ADK: variants seen among roughly 807,000 people sequenced by gnomAD.
ADK encodes adenosine kinase, also known as N6,N6-dimethyladenosine kinase.
ADK carries 24 observed loss-of-function variants against 44.7 expected under a neutral mutation model. That is an observed-to-expected ratio of 0.54 (90% CI 0.39 to 0.76). ADK has a LOEUF of 0.76. ADK is among the 30% of genes least tolerant of loss of function. The pLI is 0.00. For missense variants in ADK, 321 were observed against 425.1 expected (o/e 0.76, Z 2.15); for synonymous variants, 128 against 142.6 (o/e 0.90, Z 0.73).
intron 7 of ADK, among the ~76,000 whole-genome samples, chr10:74,544,655 T>A (rs1849761872): frequency 6.6e-6 from 1 of 152,042 alleles, no homozygotes; most frequent in South Asian, 2.1e-4. Context: ...GGCGGGCAGA[T>A]CACGAGGTCA....
At chr10:74,161,409 CTG>C (rs1333268548) in intron 1 of ADK, among the ~76,000 whole-genome samples, 4 of 152,192 alleles carry the variant, frequency 2.6e-5, no homozygotes, top group Non-Finnish European at 5.9e-5. Context: ...CGGGGTTTCA[CTG>C]TGTTAGCCAG....
chr10:74,306,756 C>G (rs1475561816), intron 3 of ADK, among the ~76,000 whole-genome samples: 3 of 152,098 alleles, frequency 2.0e-5, no homozygotes, highest in Non-Finnish European at 2.9e-5. Flanking sequence ...TGCTTCTGTT[C>G]CTAGAGCCTG....
chr10:74,225,090 T>C (rs1844481992), intron 3 of ADK, among the ~76,000 whole-genome samples: 1 of 152,198 alleles, frequency 6.6e-6, no homozygotes, highest in Non-Finnish European at 1.5e-5. Flanking sequence ...CTTTATTTTA[T>C]TTTTATTTTT....
intron 6 of ADK, among the ~76,000 whole-genome samples, chr10:74,419,685 T>G (rs1251467166): frequency 6.6e-6 from 1 of 152,202 alleles, no homozygotes; most frequent in Non-Finnish European, 1.5e-5. Flanking sequence ...CAAGATACTG[T>G]TAATTTAGAC....
At chr10:74,615,302 A>T (rs961265522) in intron 9 of ADK, among the ~76,000 whole-genome samples, 2 of 152,174 alleles carry the variant, frequency 1.3e-5, no homozygotes, top group African/African-American at 4.8e-5. Context: ...TTTGTAATAC[A>T]GGTAGGGTCA....
intron 4 of ADK, among the ~76,000 whole-genome samples, chr10:74,334,168 C>T (rs1051780915): frequency 6.6e-6 from 1 of 152,118 alleles, no homozygotes; most frequent in African/African-American, 2.4e-5. Flanking sequence ...CTTCCTTTCC[C>T]CTACTTCAGC....
intron 9 of ADK, among the ~76,000 whole-genome samples, chr10:74,620,487 A>G (rs1476357342): frequency 1.3e-5 from 2 of 152,232 alleles, no homozygotes; most frequent in Admixed American, 6.5e-5. Context: ...GATCATGTAT[A>G]TATACCACAC....
intron 3 of ADK, among the ~76,000 whole-genome samples, chr10:74,267,754 TTGTGTGTGTGTGTGTGTGTGTGTG>T (rs372502769): frequency 7.5e-6 from 1 of 132,734 alleles, no homozygotes; most frequent in Non-Finnish European, 1.6e-5. Flanking sequence ...ATATCCTTAT[TTGTGTGTGTGTGTGTGTGTGTGTG>T]TGTGTGTGTG....
chr10:74,458,535 C>T (rs980483703), intron 6 of ADK, among the ~76,000 whole-genome samples: 4 of 151,932 alleles, frequency 2.6e-5, no homozygotes, highest in Non-Finnish European at 4.4e-5. Flanking sequence ...GTTATCTCTC[C>T]GTTTTGTCAT....
intron 10 of ADK, among the ~76,000 whole-genome samples, chr10:74,693,598 G>GTA (rs34396421): frequency 0.68 from 103,042 of 151,806 alleles, 35,300 homozygotes; most frequent in Middle Eastern, 0.79. Context: ...TGTGAGGGAA[G>GTA]TATTAGTCCT....
intron 3 of ADK, among the ~76,000 whole-genome samples, chr10:74,272,456 G>A (rs1477492534): frequency 6.6e-6 from 1 of 151,958 alleles, no homozygotes; most frequent in Non-Finnish European, 1.5e-5. Flanking sequence ...TTGACTTTTT[G>A]TAGAGATGGG....
chr10:74,674,886 A>AAAAT (rs1554896330), intron 10 of ADK, among the ~76,000 whole-genome samples: 5 of 150,520 alleles, frequency 3.3e-5, no homozygotes, highest in Admixed American at 6.6e-5. Flanking sequence ...TGTCTCAAAA[A>AAAAT]AATTAATTAA....
At chr10:74,437,604 A>G (rs1254118306) in intron 6 of ADK, among the ~76,000 whole-genome samples, 2 of 152,180 alleles carry the variant, frequency 1.3e-5, no homozygotes, top group East Asian at 3.8e-4. Context: ...CCATTCTATT[A>G]CAGACCATTA....
intron 2 of ADK, among the ~76,000 whole-genome samples, chr10:74,219,116 G>A (rs570654504): frequency 2.2e-4 from 34 of 152,246 alleles, no homozygotes; most frequent in African/African-American, 7.5e-4. Flanking sequence ...GTTGTATTCA[G>A]GAAACTCATC....
intron 3 of ADK, among the ~76,000 whole-genome samples, chr10:74,298,195 A>C (rs770574054): frequency 6.6e-5 from 10 of 152,188 alleles, no homozygotes; most frequent in Non-Finnish European, 1.2e-4. Context: ...AATTCTCATA[A>C]AAATTCAAAA....
intron 1 of ADK, among the ~76,000 whole-genome samples, chr10:74,172,697 A>C (rs1268776315): frequency 6.6e-6 from 1 of 151,010 alleles, no homozygotes; most frequent in Non-Finnish European, 1.5e-5. Flanking sequence ...CTCAAAAAAA[A>C]AAAAAAAAAA....
chr10:74,183,934 C>T (rs888273897), intron 1 of ADK, among the ~76,000 whole-genome samples: 10 of 151,262 alleles, frequency 6.6e-5, no homozygotes, highest in Admixed American at 2.0e-4. Flanking sequence ...TTATTTTATT[C>T]GAGACAGAGT....
intron 9 of ADK, among the ~76,000 whole-genome samples, chr10:74,602,227 T>G (rs542553030): frequency 6.6e-6 from 1 of 152,004 alleles, no homozygotes; most frequent in Non-Finnish European, 1.5e-5. Flanking sequence ...CTTGTTAATT[T>G]GTACAAGAGA....
intron 6 of ADK, among the ~76,000 whole-genome samples, chr10:74,454,553 TC>T (rs1159298413): frequency 6.6e-6 from 1 of 152,174 alleles, no homozygotes; most frequent in East Asian, 1.9e-4. Context: ...GCAGTTAACT[TC>T]TGAATCTCTC....
Sources: gnomAD v4.1 joint callset for allele counts (sites outside exome capture counted in the v4.1 genomes callset) on GRCh38, gnomAD v4.1.1 for gene constraint, MANE v1.5 for transcripts, NCBI Gene and HGNC (gene_info 2026-07-23, HGNC 2026-07-21) for gene names.